Variants in WSCD2 observed in about 807,000 individuals in gnomAD.
WSCD2 encodes sialate:O-sulfotransferase 2.
Under a neutral mutation model 55.7 loss-of-function variants are expected in WSCD2, and 28 were observed. That is an observed-to-expected ratio of 0.50 (90% CI 0.37 to 0.69). The LOEUF (loss-of-function observed/expected upper bound fraction) is 0.69. WSCD2 is among the 30% of genes least tolerant of loss of function. WSCD2 has a pLI of 0.00. For synonymous variants in WSCD2, 301 were observed against 301.9 expected (o/e 1.00, Z 0.03); for missense variants, 616 against 762.1 (o/e 0.81, Z 2.26).
chr12:108,132,669 C>G (rs7952936), intron 1 of WSCD2, among the ~76,000 whole-genome samples: 34,220 of 152,098 alleles, frequency 0.22, 4,026 homozygotes, highest in African/African-American at 0.27. Context: ...CTGCACAGAT[C>G]CACGTGTGTG....
intron 4 of WSCD2, among the ~76,000 whole-genome samples, chr12:108,218,954 C>T (rs1160446760): frequency 6.6e-6 from 1 of 152,198 alleles, no homozygotes; most frequent in Non-Finnish European, 1.5e-5. Flanking sequence ...TGCATTTCCC[C>T]TTGCACTGGG....
At chr12:108,189,901 G>A (rs997480953) in intron 1 of WSCD2, 5 of 152,248 alleles carry the variant, frequency 3.3e-5, no homozygotes, top group African/African-American at 4.8e-5. Flanking sequence ...GAGAAATTCC[G>A]TGAAGGAAAA....
Position 108,248,851 on chromosome 12 carries a change from C to T in WSCD2, c.*508C>T. 3.0e-6 allele frequency: 3 copies of T among 989,594 alleles called. No individual in the cohort carries two copies. Among genetic ancestry groups the T allele is most frequent in the Non-Finnish European group, 3.6e-6 (3 of 832,126 alleles). The allele number at this position is 989,594 out of a possible 1,614,324, so 61.3% of individuals were successfully genotyped here. Reference sequence around the variant, plus strand: ...ACCGATGTTTAACTCAGGCCACCTTCTGTTCTAAAGAAAGATTGCTGGGAA... The same window carrying T: ...ACCGATGTTTAACTCAGGCCACCTTTTGTTCTAAAGAAAGATTGCTGGGAA... On this transcript the variant is annotated 3_prime_UTR_variant, in exon 9 of 9. Transcript: ENST00000547525. The surrounding 1 kb of genome is among the most constrained non-coding windows in gnomAD (Gnocchi z 4.3).
chr12:108,155,400 C>G (rs1446293627), intron 1 of WSCD2, among the ~76,000 whole-genome samples: 5 of 152,188 alleles, frequency 3.3e-5, no homozygotes, highest in Non-Finnish European at 7.3e-5. Context: ...TTTATTCAGC[C>G]ATGTGTGTCT....
chr12:108,190,819 C>G (rs1487365040), intron 1 of WSCD2, among the ~76,000 whole-genome samples: 1 of 152,106 alleles, frequency 6.6e-6, no homozygotes, highest in African/African-American at 2.4e-5. Flanking sequence ...AGGTCGTCCA[C>G]CACATTTAAC....
chr12:108,132,631 T>C (rs1040809354), intron 1 of WSCD2, among the ~76,000 whole-genome samples: 1 of 145,092 alleles, frequency 6.9e-6, no homozygotes, highest in Admixed American at 6.9e-5. Flanking sequence ...ATGTGAGTCA[T>C]GTGTGTCTGG....
chr12:108,218,188 A>C (rs1887070329), intron 4 of WSCD2, among the ~76,000 whole-genome samples: 1 of 152,256 alleles, frequency 6.6e-6, no homozygotes, highest in African/African-American at 2.4e-5. Context: ...TAAGACTCTG[A>C]AATGAGAGGA....
intron 1 of WSCD2, among the ~76,000 whole-genome samples, chr12:108,186,359 A>C (rs1452485771): frequency 1.3e-5 from 2 of 152,084 alleles, no homozygotes; most frequent in Non-Finnish European, 2.9e-5. Flanking sequence ...ACACTGACAC[A>C]TCATTATCAC....
intron 1 of WSCD2, among the ~76,000 whole-genome samples, chr12:108,159,052 A>G (rs972122254): frequency 3.9e-5 from 6 of 152,164 alleles, no homozygotes; most frequent in Non-Finnish European, 8.8e-5. Flanking sequence ...TGGCCCCTAG[A>G]ATAAAATCAA....
intron 6 of WSCD2, among the ~76,000 whole-genome samples, chr12:108,230,545 G>A (rs1369641903): frequency 3.3e-5 from 5 of 152,168 alleles, no homozygotes; most frequent in Admixed American, 1.3e-4. Context: ...CTGAGGCTCC[G>A]ACAGATCATT....
At chr12:108,173,910 T>C (rs1171437821) in intron 1 of WSCD2, among the ~76,000 whole-genome samples, 2 of 150,588 alleles carry the variant, frequency 1.3e-5, no homozygotes, top group Non-Finnish European at 1.5e-5. Flanking sequence ...CTGGCATAAA[T>C]TCACCTCTAT....
In WSCD2 at chr12:108,184,426, GGGTT is replaced by G. The variant is rs1324535874; in HGVS notation, c.-551-10854_-551-10851del. ...TGGTGGAAAGTTCCTCTTTGGGGAAGGGTTGCTAATAGGTGCTGTCACCGTTCCT... is the reference window on the plus strand; with the variant it reads ...TGGTGGAAAGTTCCTCTTTGGGGAAGGCTAATAGGTGCTGTCACCGTTCCT... On this transcript the variant is annotated intron_variant, in intron 1 of 8. Coordinates refer to ENST00000547525, the MANE Select transcript of WSCD2 (RefSeq NM_014653.4). Among the ~76,000 whole-genome samples the G allele has an allele frequency of 1.4e-4, 21 of 152,212 alleles. 1 individual carries two copies. The highest frequency in any genetic ancestry group is 1.4e-3 in the Admixed American group (21 of 15,286).
intron 5 of WSCD2, among the ~76,000 whole-genome samples, chr12:108,225,329 G>C (rs1488831522): frequency 6.6e-6 from 1 of 152,134 alleles, no homozygotes. Flanking sequence ...GATCTCATGA[G>C]ACTTATTCAC....
In WSCD2 at chr12:108,195,814, A is replaced by T; in HGVS notation, c.-19A>T. 1.3e-6 allele frequency: 2 copies of T among 1,584,492 alleles called. No homozygotes were observed. Among genetic ancestry groups the T allele is most frequent in the Non-Finnish European group, 1.7e-6 (2 of 1,163,340 alleles). On this transcript the variant is annotated 5_prime_UTR_variant, in exon 2 of 9. Transcript: ENST00000547525. ...CACCCCAGCCAAGCCCCAGAGAGCC[A>T]GTCCGGAATGATCCCACTATGGCCA...
chr12:108,169,868 G>T (rs1339871429), intron 1 of WSCD2, among the ~76,000 whole-genome samples: 1 of 152,098 alleles, frequency 6.6e-6, no homozygotes, highest in African/African-American at 2.4e-5. Flanking sequence ...AATTTTGTTG[G>T]CAGTGTTGAT....
chr12:108,132,325 G>A (rs1875647375), intron 1 of WSCD2, among the ~76,000 whole-genome samples: 1 of 152,146 alleles, frequency 6.6e-6, no homozygotes, highest in Non-Finnish European at 1.5e-5. Flanking sequence ...TCATGGTAGA[G>A]TAAGGTGTGT....
chr12:108,159,193 C>T (rs893229597), intron 1 of WSCD2, among the ~76,000 whole-genome samples: 4 of 152,200 alleles, frequency 2.6e-5, no homozygotes, highest in Admixed American at 1.3e-4. Flanking sequence ...ATCATCTTCT[C>T]AGGTGTCACT....
intron 7 of WSCD2, among the ~76,000 whole-genome samples, chr12:108,234,248 G>C (rs1006766159): frequency 6.6e-5 from 10 of 152,214 alleles, no homozygotes; most frequent in African/African-American, 2.4e-4. Context: ...TGGGTACTCT[G>C]GTCTGGGTGC....
Position 108,206,301 on chromosome 12 carries a change from G to A in WSCD2, c.395G>A (p.Gly132Asp), listed in dbSNP as rs1279105039. 2 of 1,614,042 alleles carry A rather than the reference G, an allele frequency of 1.2e-6. No homozygotes were observed. Among genetic ancestry groups the A allele is most frequent in the Non-Finnish European group, 1.7e-6 (2 of 1,180,044 alleles). Residue 132 changes from glycine to aspartate, a missense_variant, in exon 3 of 9, where the codon GGC becomes GAC. Coordinates refer to ENST00000547525, the MANE Select transcript of WSCD2 (RefSeq NM_014653.4). The part of the protein sequence containing the change: ...EKEEERAKYI[G>D]CYLDDTQSRA... ...CCTTTCCCCAAAGCCAAGTACATCG[G>A]CTGCTACCTGGATGACACCCAGAGT...
Sources: gnomAD v4.1 joint callset for allele counts (sites outside exome capture counted in the v4.1 genomes callset) on GRCh38, gnomAD v4.1.1 for gene constraint, Gnocchi (gnomAD v3.1) non-coding constraint, MANE v1.5 for transcripts, NCBI Gene and HGNC (gene_info 2026-07-23, HGNC 2026-07-21) for gene names.